The following SLC2A9 variants were observed in gnomAD, a reference collection of about 807,000 sequenced individuals.
The protein encoded by SLC2A9 is solute carrier family 2, facilitated glucose transporter member 9.
In SLC2A9, 39 loss-of-function variants were observed where a neutral mutation model predicts 50.6. The observed-to-expected ratio is 0.77, with a 90% CI of 0.60 to 1.01. The LOEUF (loss-of-function observed/expected upper bound fraction) is 1.01, where lower values mean the gene tolerates loss of function less well. Ranked by LOEUF, SLC2A9 falls within the 50% of genes least tolerant of loss-of-function variation. The pLI, the probability that SLC2A9 is intolerant of heterozygous loss-of-function variation, is 0.00. For synonymous variants in SLC2A9, 324 were observed against 276.9 expected (o/e 1.17, Z -1.69); for missense variants, 686 against 677.6 (o/e 1.01, Z -0.14).
chr4:9,919,854 A>G (rs1382297775), intron 7 of SLC2A9, among the ~76,000 whole-genome samples: 1 of 152,196 alleles, frequency 6.6e-6, no homozygotes, highest in Non-Finnish European at 1.5e-5. Context: ...GAGTGCCCTC[A>G]AGGGAGAGGA....
At position 9,860,514 on chromosome 4, in the gene SLC2A9, C is replaced by A. The variant is rs569133563; in HGVS notation, c.1292-25506G>T. On this transcript the variant is annotated intron_variant, in intron 10 of 11. Transcript: ENST00000264784. Reference sequence around the variant, plus strand: ...GTAAACAAACGAACAGGTGAAGGAACAAGAACTGATGAGCTGAAACCCTGC... The same window carrying A: ...GTAAACAAACGAACAGGTGAAGGAAAAAGAACTGATGAGCTGAAACCCTGC... Among the ~76,000 whole-genome samples the A allele has an allele frequency of 2.7e-4, 41 of 152,342 alleles. No individual in the cohort carries two copies. In the South Asian group the frequency reaches 7.7e-3, roughly 28 times the overall value.
intron 1 of SLC2A9, among the ~76,000 whole-genome samples, chr4:10,033,566 C>T (rs565110255): frequency 9.2e-5 from 14 of 152,262 alleles, no homozygotes; most frequent in African/African-American, 1.4e-4. Flanking sequence ...GCATCTGGCC[C>T]GCTTAAAATA....
intron 3 of SLC2A9, among the ~76,000 whole-genome samples, chr4:9,803,985 T>C (rs1034050775): frequency 3.9e-5 from 6 of 152,188 alleles, no homozygotes; most frequent in Admixed American, 6.5e-5. Flanking sequence ...CCTCCCTGTC[T>C]TCCAACAAAA....
At chr4:9,969,871 A>G (rs939264519) in intron 5 of SLC2A9, among the ~76,000 whole-genome samples, 2 of 152,240 alleles carry the variant, frequency 1.3e-5, no homozygotes, top group Non-Finnish European at 2.9e-5. Flanking sequence ...TATGGGAGCT[A>G]CAATTCAAGA....
intron 10 of SLC2A9, among the ~76,000 whole-genome samples, chr4:9,845,160 C>A (rs979181781): frequency 6.6e-6 from 1 of 151,668 alleles, no homozygotes; most frequent in African/African-American, 2.4e-5. Context: ...ACTACAGGTG[C>A]CCGCCACCAC....
At chr4:9,858,627 G>A (rs904872364) in intron 10 of SLC2A9, among the ~76,000 whole-genome samples, 8 of 152,094 alleles carry the variant, frequency 5.3e-5, no homozygotes, top group Non-Finnish European at 7.4e-5. Flanking sequence ...GAGTGTCCCC[G>A]GCAAACTACT....
At chr4:9,958,671 A>G (rs1312240892) in intron 5 of SLC2A9, among the ~76,000 whole-genome samples, 2 of 152,204 alleles carry the variant, frequency 1.3e-5, no homozygotes, top group Non-Finnish European at 2.9e-5. Flanking sequence ...AAAAACAAGA[A>G]GAGGAGGACA....
At chr4:9,919,512 G>T (rs529942064) in intron 7 of SLC2A9, among the ~76,000 whole-genome samples, 1 of 152,114 alleles carries the variant, frequency 6.6e-6, no homozygotes, top group Non-Finnish European at 1.5e-5. Flanking sequence ...GCCCGCCTTG[G>T]GGGGTGCTGG....
intron 9 of SLC2A9, among the ~76,000 whole-genome samples, chr4:9,889,960 A>C (rs1377736810): frequency 6.6e-6 from 1 of 152,190 alleles, no homozygotes; most frequent in Non-Finnish European, 1.5e-5. Flanking sequence ...ACAAAAAAAT[A>C]CTGATGTTGT....
intron 3 of SLC2A9, among the ~76,000 whole-genome samples, chr4:9,996,390 C>T (rs552124160): frequency 4.6e-5 from 7 of 152,328 alleles, no homozygotes; most frequent in East Asian, 1.9e-4. Flanking sequence ...CTGCTCTATG[C>T]CCCGGGAGCA....
At chr4:9,935,222 G>A (rs1746848255) in intron 6 of SLC2A9, among the ~76,000 whole-genome samples, 1 of 152,168 alleles carries the variant, frequency 6.6e-6, no homozygotes, top group Non-Finnish European at 1.5e-5. Flanking sequence ...AGATCCTTGA[G>A]GAATCACCAC....
intron 6 of SLC2A9, among the ~76,000 whole-genome samples, chr4:9,930,375 C>G (rs1230998343): frequency 6.6e-6 from 1 of 152,200 alleles, no homozygotes; most frequent in Non-Finnish European, 1.5e-5. Context: ...GGAGGGAGAG[C>G]CAGAAAGTCC....
intron 3 of SLC2A9, chr4:9,799,251 A>C (rs1720993143): frequency 6.6e-6 from 1 of 152,082 alleles, no homozygotes. Context: ...GCTAAAACAA[A>C]ATACCTTAGA....
intron 5 of SLC2A9, among the ~76,000 whole-genome samples, chr4:9,952,121 C>A (rs1176668018): frequency 6.6e-6 from 1 of 152,256 alleles, no homozygotes; most frequent in Admixed American, 6.5e-5. Context: ...CACCCCTCTA[C>A]TCCTCAGTTT....
At chr4:9,968,974 T>G (rs1363677061) in intron 5 of SLC2A9, among the ~76,000 whole-genome samples, 1 of 152,206 alleles carries the variant, frequency 6.6e-6, no homozygotes, top group Non-Finnish European at 1.5e-5. Context: ...CAGTGCCCTG[T>G]GATACTGTTT....
chr4:9,780,257 A>G (rs1451678559), intron 3 of SLC2A9, among the ~76,000 whole-genome samples: 5 of 152,172 alleles, frequency 3.3e-5, no homozygotes, highest in African/African-American at 1.2e-4. Context: ...GGAGGCCAGG[A>G]AAGTGCCACC....
At chr4:9,961,573 A>C (rs1402384041) in intron 5 of SLC2A9, among the ~76,000 whole-genome samples, 4 of 152,330 alleles carry the variant, frequency 2.6e-5, no homozygotes, top group African/African-American at 9.6e-5. Context: ...TTAAATGTAA[A>C]ACCCAAACCT....
chr4:10,002,328 T>C (rs1383515529), intron 2 of SLC2A9, among the ~76,000 whole-genome samples: 1 of 152,162 alleles, frequency 6.6e-6, no homozygotes, highest in Non-Finnish European at 1.5e-5. Context: ...ATAAATAATC[T>C]CACTTCACCC....
At chr4:9,772,921 C>T (rs776565371) in intron 1 of SLC2A9, among the ~76,000 whole-genome samples, 1 of 152,012 alleles carries the variant, frequency 6.6e-6, no homozygotes, top group African/African-American at 2.4e-5. Context: ...GCGCTGCACC[C>T]ACTAATGGAT....
Sources: gnomAD v4.1 joint callset for allele counts (sites outside exome capture counted in the v4.1 genomes callset) on GRCh38, gnomAD v4.1.1 for gene constraint, MANE v1.5 for transcripts, NCBI Gene and HGNC (gene_info 2026-07-23, HGNC 2026-07-21) for gene names.